The following SCARA3 variants were observed in gnomAD, a reference collection of about 807,000 sequenced individuals.
SCARA3 encodes the protein scavenger receptor class A member 3.
In SCARA3, 39 loss-of-function variants were observed where a neutral mutation model predicts 47.0. The ratio of observed to expected loss-of-function variants is 0.83; its 90% CI spans 0.64 to 1.08. The LOEUF is 1.08. Among genes scored for constraint, SCARA3 ranks in the 50% least tolerant of loss-of-function variants. SCARA3 has a pLI of 0.00. For missense variants in SCARA3, 724 were observed against 792.3 expected (o/e 0.91, Z 1.04); for synonymous variants, 356 against 334.1 (o/e 1.07, Z -0.71).
the SCARA3 span, among the ~76,000 whole-genome samples, chr8:27,698,903 C>T: frequency 6.6e-6 from 1 of 151,892 alleles, no homozygotes; most frequent in Non-Finnish European, 1.5e-5. Flanking sequence ...ATCTATCTGT[C>T]TATCTATATA....
At chr8:27,692,545 G>T in the SCARA3 span, among the ~76,000 whole-genome samples, 1 of 152,000 alleles carries the variant, frequency 6.6e-6, no homozygotes, top group Non-Finnish European at 1.5e-5. Flanking sequence ...TATGAATTTT[G>T]AAATGGTCCT....
intron 1 of SCARA3, among the ~76,000 whole-genome samples, chr8:27,640,713 T>C (rs1801363708): frequency 6.6e-6 from 1 of 152,200 alleles, no homozygotes; most frequent in Non-Finnish European, 1.5e-5. Flanking sequence ...GTTTCTTTGC[T>C]TGAGACAGAG....
At chr8:27,689,806 G>A in the SCARA3 span, among the ~76,000 whole-genome samples, 2 of 152,150 alleles carry the variant, frequency 1.3e-5, no homozygotes, top group African/African-American at 4.8e-5. Context: ...CCAGAAAGGC[G>A]GTTTATGTAT....
downstream of SCARA3, among the ~76,000 whole-genome samples, chr8:27,674,497 C>G (rs1204730953): frequency 2.0e-5 from 3 of 152,150 alleles, no homozygotes; most frequent in African/African-American, 4.8e-5. Context: ...ATGCTGTGTT[C>G]CTCTGTCCTG....
At chr8:27,726,874 C>T in the SCARA3 span, among the ~76,000 whole-genome samples, 2 of 151,980 alleles carry the variant, frequency 1.3e-5, no homozygotes, top group Non-Finnish European at 2.9e-5. Context: ...CAACCTCTGC[C>T]TCCCAGGTTC....
the SCARA3 span, among the ~76,000 whole-genome samples, chr8:27,723,775 T>A: frequency 0.84 from 128,266 of 152,158 alleles, 54,541 homozygotes; most frequent in Non-Finnish European, 0.9. Flanking sequence ...TCGCTCTGTC[T>A]CCCAGGCTGG....
intron 1 of SCARA3, among the ~76,000 whole-genome samples, chr8:27,636,162 T>C (rs1359792447): frequency 1.3e-5 from 2 of 152,160 alleles, no homozygotes; most frequent in East Asian, 1.9e-4. Flanking sequence ...GGGCAGACCA[T>C]TACTGGAAGC....
chr8:27,724,348 A>G, the SCARA3 span, among the ~76,000 whole-genome samples: 1 of 152,198 alleles, frequency 6.6e-6, no homozygotes, highest in Non-Finnish European at 1.5e-5. Flanking sequence ...TCCAGATTAA[A>G]GTAAAATCAG....
the SCARA3 span, among the ~76,000 whole-genome samples, chr8:27,729,662 G>A: frequency 6.6e-6 from 1 of 151,948 alleles, no homozygotes; most frequent in East Asian, 1.9e-4. Flanking sequence ...GTGTTGGTGG[G>A]CGCCTGTAGT....
At chr8:27,695,835 A>G in the SCARA3 span, among the ~76,000 whole-genome samples, 1 of 152,170 alleles carries the variant, frequency 6.6e-6, no homozygotes, top group African/African-American at 2.4e-5. Context: ...ACACTAAAGA[A>G]TAAAGAAAAA....
At chr8:27,722,439 A>T in the SCARA3 span, among the ~76,000 whole-genome samples, 1 of 151,886 alleles carries the variant, frequency 6.6e-6, no homozygotes, top group Non-Finnish European at 1.5e-5. Flanking sequence ...GGTCAGATTC[A>T]CCCCATAGAA....
At chr8:27,693,136 A>AC in the SCARA3 span, among the ~76,000 whole-genome samples, 1 of 112,516 alleles carries the variant, frequency 8.9e-6, no homozygotes, top group Non-Finnish European at 1.9e-5. Context: ...AAAAAAAAAA[A>AC]AAAAAGAAAA....
At chr8:27,670,077 C>G (rs371079295) in intron 5 of SCARA3, among the ~76,000 whole-genome samples, 1 of 152,110 alleles carries the variant, frequency 6.6e-6, no homozygotes, top group Non-Finnish European at 1.5e-5. Flanking sequence ...AAGGAAGGGC[C>G]GTATCTTCAT....
chr8:27,700,924 C>T, the SCARA3 span, among the ~76,000 whole-genome samples: 3 of 152,182 alleles, frequency 2.0e-5, no homozygotes, highest in Non-Finnish European at 4.4e-5. Flanking sequence ...AGCAATTTCA[C>T]TTCTGGGTTT....
the SCARA3 span, among the ~76,000 whole-genome samples, chr8:27,694,169 T>C: frequency 6.6e-6 from 1 of 152,212 alleles, no homozygotes; most frequent in Non-Finnish European, 1.5e-5. Context: ...CTTTGCCTCA[T>C]TAAGCCTCTG....
At chr8:27,673,087 G>GTTCTCCTTCA, downstream of SCARA3, 1 of 771,850 alleles carries the variant, frequency 1.3e-6, no homozygotes, top group South Asian at 5.9e-5. Flanking sequence ...ACTCCAGGTG[G>GTTCTCCTTCA]GCCTCTGAAG....
chr8:27,659,478 G>A lies in SCARA3; in HGVS notation c.1308G>A (p.Glu436=). 9 of 1,614,036 alleles carry A rather than the reference G, an allele frequency of 5.6e-6. No individual in the cohort carries two copies. Among genetic ancestry groups the A allele is most frequent in the Non-Finnish European group, 7.6e-6 (9 of 1,179,978 alleles). The change falls in exon 5 of 6, where the codon GAG becomes GAA. Residue 436 remains glutamate (E), a synonymous_variant. Transcript: ENST00000301904. ...TCCGGAACCTCTCCATGATCGTGGA[G>A]GAGATGAAGGCAGTGGACACACAGC... ...LNVRNLSMIV[E]EMKAVDTQHG... is the part of the protein sequence containing the mutation.
the SCARA3 span, among the ~76,000 whole-genome samples, chr8:27,693,065 T>C: frequency 1.3e-5 from 2 of 149,054 alleles, no homozygotes; most frequent in Non-Finnish European, 3.0e-5. Context: ...GCAGAGGCTG[T>C]AGTGAGCCAA....
At chr8:27,674,215 GAC>G (rs1802226111), downstream of SCARA3, among the ~76,000 whole-genome samples, 3 of 152,214 alleles carry the variant, frequency 2.0e-5, no homozygotes, top group Non-Finnish European at 4.4e-5. Flanking sequence ...TAAGGGGACA[GAC>G]AGTTAGAACT....
Sources: gnomAD v4.1 joint callset for allele counts (sites outside exome capture counted in the v4.1 genomes callset) on GRCh38, gnomAD v4.1.1 for gene constraint, MANE v1.5 for transcripts, NCBI Gene and HGNC (gene_info 2026-07-23, HGNC 2026-07-21) for gene names.